Variants in NEK10 observed in about 807,000 individuals in gnomAD.
NEK10 encodes the protein serine/threonine-protein kinase Nek10.
In NEK10, 122 loss-of-function variants were observed where a neutral mutation model predicts 159.8. The observed-to-expected ratio is 0.76, with a 90% CI of 0.66 to 0.89. The LOEUF (loss-of-function observed/expected upper bound fraction) is 0.89. Among genes scored for constraint, NEK10 ranks in the 40% least tolerant of loss-of-function variants. The probability of loss-of-function intolerance (pLI) is 0.00; values close to 1 mark genes in which losing one functional copy is unlikely to be tolerated. For missense variants in NEK10, 1,342 were observed against 1,323.1 expected (o/e 1.01, Z -0.22); for synonymous variants, 466 against 457.1 (o/e 1.02, Z -0.25).
At chr3:27,143,409 C>G (rs965911904) in intron 30 of NEK10, 2 of 736,604 alleles carry the variant, frequency 2.7e-6, no homozygotes, top group Admixed American at 3.9e-5. Flanking sequence ...TCTGTGATGA[C>G]ATTTTGAATG....
chr3:27,234,828 C>T (rs945826573), intron 23 of NEK10, among the ~76,000 whole-genome samples: 2 of 152,066 alleles, frequency 1.3e-5, no homozygotes, highest in African/African-American at 4.8e-5. Flanking sequence ...GCAAAAAGAA[C>T]AAAGCTGCAG....
At chr3:27,311,875 C>T (rs2044726069) in intron 8 of NEK10, 1 of 477,774 alleles carries the variant, frequency 2.1e-6, no homozygotes. Flanking sequence ...GCCTCTCTTG[C>T]ATTAAATAAA....
chr3:27,350,762 A>G (rs899284117), intron 3 of NEK10, among the ~76,000 whole-genome samples: 2 of 152,142 alleles, frequency 1.3e-5, no homozygotes, highest in Non-Finnish European at 2.9e-5. Flanking sequence ...TTATCAAGCA[A>G]GCGGTGTTGA....
chr3:27,271,181 A>G (rs1234202321), intron 22 of NEK10, among the ~76,000 whole-genome samples: 1 of 151,270 alleles, frequency 6.6e-6, no homozygotes, highest in Non-Finnish European at 1.5e-5. Flanking sequence ...CTATCTATCT[A>G]TCTATCTATC....
intron 26 of NEK10, among the ~76,000 whole-genome samples, chr3:27,188,718 T>C (rs1461905542): frequency 6.6e-6 from 1 of 152,222 alleles, no homozygotes; most frequent in Non-Finnish European, 1.5e-5. Context: ...ATATGCTTTT[T>C]TCACCCATTT....
chr3:27,124,840 A>G (rs552741638), intron 32 of NEK10, among the ~76,000 whole-genome samples: 11 of 152,190 alleles, frequency 7.2e-5, no homozygotes, highest in East Asian at 3.8e-4. Context: ...ACAGCAGAAC[A>G]TCTTTAAGCA....
intron 3 of NEK10, among the ~76,000 whole-genome samples, chr3:27,347,684 T>C (rs2047667374): frequency 6.6e-6 from 1 of 152,126 alleles, no homozygotes; most frequent in Non-Finnish European, 1.5e-5. Context: ...TTCAAAATGT[T>C]AATAATAAAT....
At chr3:27,198,480 C>T (rs13078105) in intron 25 of NEK10, among the ~76,000 whole-genome samples, 35,744 of 152,022 alleles carry the variant, frequency 0.24, 4,555 homozygotes, top group Middle Eastern at 0.38. Context: ...AATAAGGCTG[C>T]ACACGTACAA....
At position 27,110,442 on chromosome 3, in the gene NEK10, T is replaced by C. The variant is rs752200776; in HGVS notation, c.*830A>G. 10 of 152,232 alleles carry C rather than the reference T, an allele frequency of 6.6e-5. No homozygotes were observed. Among genetic ancestry groups the C allele is most frequent in the Non-Finnish European group, 1.2e-4 (8 of 68,048 alleles). The allele number at this position is 152,232 out of a possible 1,614,324, so 9.4% of individuals were successfully genotyped here. On this transcript the variant is annotated 3_prime_UTR_variant, in exon 36 of 36. Transcript: ENST00000691995. Reference sequence around the variant, plus strand: ...AAGGAGGGATTTAGGATGAGGAATATTGCATCTTTTTCATAGATTCTATAA... The same window carrying C: ...AAGGAGGGATTTAGGATGAGGAATACTGCATCTTTTTCATAGATTCTATAA...
chr3:27,332,841 T>C (rs1458450662), intron 5 of NEK10, among the ~76,000 whole-genome samples: 1 of 152,130 alleles, frequency 6.6e-6, no homozygotes, highest in Non-Finnish European at 1.5e-5. Context: ...GCAGATGAGA[T>C]GGAAATGGAA....
At position 27,328,210 on chromosome 3, in the gene NEK10, C is replaced by A. The variant is rs190714200; in HGVS notation, c.363-5949G>T. On this transcript the variant is annotated intron_variant, in intron 5 of 35. Transcript: ENST00000691995. The stretch of plus-strand genomic sequence containing the variant: ...CAAATATTTAGTATATACTCATCAC[C>A]TGTGATCAGCCAAGTACTGTTATAA... Among the ~76,000 whole-genome samples the A allele has an allele frequency of 8.1e-4, 124 of 152,268 alleles. 1 individual carries two copies. The highest frequency in any genetic ancestry group is 1.6e-3 in the Non-Finnish European group (108 of 68,022).
intron 31 of NEK10, among the ~76,000 whole-genome samples, chr3:27,133,511 A>C (rs551391638): frequency 6.6e-6 from 1 of 152,354 alleles, no homozygotes; most frequent in Non-Finnish European, 1.5e-5. Context: ...GCAGTGGCTT[A>C]TGCCTTTAAT....
intron 5 of NEK10, among the ~76,000 whole-genome samples, chr3:27,323,461 A>G (rs914381711): frequency 1.3e-5 from 2 of 152,144 alleles, no homozygotes; most frequent in African/African-American, 4.8e-5. Flanking sequence ...GAACGGGAGG[A>G]TTCTGGGCAA....
At chr3:27,350,625 T>C (rs900748815) in intron 3 of NEK10, among the ~76,000 whole-genome samples, 40 of 152,266 alleles carry the variant, frequency 2.6e-4, no homozygotes, top group African/African-American at 8.4e-4. Context: ...TATACATTTT[T>C]GTACATGTGA....
At chr3:27,149,666 TC>T (rs1944643105) in intron 30 of NEK10, among the ~76,000 whole-genome samples, 1 of 152,170 alleles carries the variant, frequency 6.6e-6, no homozygotes, top group Non-Finnish European at 1.5e-5. Context: ...CCCCCATCTT[TC>T]CCTTCTTCAT....
intron 29 of NEK10, among the ~76,000 whole-genome samples, chr3:27,167,116 G>A (rs1364828078): frequency 2.6e-5 from 4 of 152,118 alleles, no homozygotes; most frequent in Non-Finnish European, 4.4e-5. Context: ...CTTGGTGACA[G>A]AAGGCAAGCA....
At chr3:27,223,497 A>T (rs1215937412) in intron 23 of NEK10, among the ~76,000 whole-genome samples, 1 of 152,204 alleles carries the variant, frequency 6.6e-6, no homozygotes, top group Non-Finnish European at 1.5e-5. Context: ...ATATAAAAAC[A>T]ATTCTCAATA....
chr3:27,250,393 AG>A (rs1559361675), intron 23 of NEK10, among the ~76,000 whole-genome samples: 1 of 151,988 alleles, frequency 6.6e-6, no homozygotes, highest in African/African-American at 2.4e-5. Context: ...TCACTGTGTT[AG>A]TCAGGATGGT....
chr3:27,229,530 G>A (rs1013625300), intron 23 of NEK10, among the ~76,000 whole-genome samples: 1 of 152,108 alleles, frequency 6.6e-6, no homozygotes, highest in Non-Finnish European at 1.5e-5. Context: ...GGAAATCTCT[G>A]AAATGCTAGA....
Sources: gnomAD v4.1 joint callset for allele counts (sites outside exome capture counted in the v4.1 genomes callset) on GRCh38, gnomAD v4.1.1 for gene constraint, MANE v1.5 for transcripts, NCBI Gene and HGNC (gene_info 2026-07-23, HGNC 2026-07-21) for gene names.